INF2: variants seen among roughly 807,000 people sequenced by gnomAD.
The protein encoded by INF2 is inverted formin 2, also known as inverted formin-2.
Under a neutral mutation model 123.5 loss-of-function variants are expected in INF2, and 43 were observed. The observed-to-expected ratio is 0.35, with a 90% CI of 0.27 to 0.45. The LOEUF is 0.45. Ranked by LOEUF, INF2 falls within the 20% of genes least tolerant of loss-of-function variation. INF2 has a pLI of 1.00. For missense variants in INF2, 1,453 were observed against 1,682.7 expected, an observed-to-expected ratio of 0.86 and a Z score of 2.39; for synonymous variants, 851 against 745.0, an observed-to-expected ratio of 1.14 and a Z score of -2.32.
chr14:104,720,182 C>T lies in INF2; in HGVS notation c.*1389C>T. 6.4e-6 allele frequency: 1 copy of T among 155,568 alleles called. No homozygotes were observed. The highest frequency in any genetic ancestry group is 1.4e-5 in the Non-Finnish European group (1 of 70,266). The allele number at this position is 155,568 out of a possible 1,614,324, so 9.6% of individuals were successfully genotyped here. A position where few individuals can be genotyped will look rare whatever the true frequency, so the allele number is the denominator to read the frequency against. ...CTGTTTTCACGCGCCATCCTCACGG[C>T]AGGCTGTATCAGGACTTCATTCCAT... is the stretch of plus-strand genomic sequence containing the variant. On this transcript the variant is annotated 3_prime_UTR_variant, in exon 23 of 23. Transcript: ENST00000392634.
At chr14:104,681,277 GC>G in exon 1 of INF2, 1 of 371,608 alleles carries the variant, frequency 2.7e-6, no homozygotes, top group Non-Finnish European at 5.4e-6. Flanking sequence ...CCTCATCAAT[GC>G]CCCATGCTCA....
At chr14:104,703,252 G>A in intron 3 of INF2, 32 bp downstream of exon 3, 1 of 1,612,932 alleles carries the variant, frequency 6.2e-7, no homozygotes, top group Non-Finnish European at 8.5e-7. Flanking sequence ...TGGGCACATG[G>A]GGCTCCCTGC....
chr14:104,709,068 C>T (rs894222350), intron 10 of INF2, among the ~76,000 whole-genome samples: 2 of 152,204 alleles, frequency 1.3e-5, no homozygotes, highest in African/African-American at 4.8e-5. Flanking sequence ...CCTGCATCTC[C>T]TGAGCAGGGC....
Position 104,710,919 on chromosome 14 carries a change from C to G in INF2, c.2240-18C>G, listed in dbSNP as rs923677130. On this transcript the variant is annotated intron_variant, in intron 13 of 22. Transcript: ENST00000392634. ...CTCCGAACCAAGAGCCCCTCTCCAG[C>G]CCTGGCTGCCCCTGCAGGCCTGCTC... 1 of 1,610,822 alleles carries G rather than the reference C, an allele frequency of 6.2e-7. No individual in the cohort carries two copies. Among genetic ancestry groups the G allele is most frequent in the African/African-American group, 1.3e-5 (1 of 74,862 alleles).
intron 12 of INF2, 125 bp from the exon 13 acceptor site, chr14:104,709,963 T>G (rs1004060936): frequency 2.3e-6 from 2 of 873,092 alleles, no homozygotes; most frequent in Admixed American, 4.0e-5. Context: ...GCCTGTTGGA[T>G]GGGGCAGGCG....
Position 104,720,533 on chromosome 14 carries a change from A to C in INF2, c.*1740A>C, listed in dbSNP as rs12888736. On this transcript the variant is annotated 3_prime_UTR_variant, in exon 23 of 23. Coordinates refer to ENST00000392634, the MANE Select transcript of INF2 (RefSeq NM_022489.4). ...GTAGTCTCGTGTGGATGCTGCTGTG[A>C]ACGTCTGCGTAGTCTCGTGTGGATG... 4.7e-5 allele frequency: 2 copies of C among 42,144 alleles called. No homozygotes were observed. Among genetic ancestry groups the C allele is most frequent in the East Asian group, 7.6e-3 (2 of 264 alleles). 2.6% of individuals were successfully genotyped at this position (42,144 alleles called of 1,614,324 possible). A position where few individuals can be genotyped will look rare whatever the true frequency, so the allele number is the denominator to read the frequency against.
chr14:104,693,922 G>A (rs527494212), intron 1 of INF2, among the ~76,000 whole-genome samples: 185 of 152,312 alleles, frequency 1.2e-3, no homozygotes, highest in African/African-American at 4.3e-3. Flanking sequence ...GCTGGGAGGA[G>A]GACACAGGGT....
At chr14:104,713,676 C>A in intron 20 of INF2, 70 bp downstream of exon 20, 3 of 1,525,104 alleles carry the variant, frequency 2.0e-6, no homozygotes, top group Non-Finnish European at 2.7e-6. Context: ...TCCAGGAAGT[C>A]CTCCTGACTT....
chr14:104,710,710 C>G (rs1275517631), intron 13 of INF2: 1 of 586,126 alleles, frequency 1.7e-6, no homozygotes, highest in Non-Finnish European at 3.0e-6. Flanking sequence ...CAGGTACGGA[C>G]CAGTGAGGCA....
intron 1 of INF2, among the ~76,000 whole-genome samples, chr14:104,683,830 C>T (rs1181762945): frequency 6.6e-6 from 1 of 152,212 alleles, no homozygotes; most frequent in African/African-American, 2.4e-5. Flanking sequence ...CCCCTCTCCC[C>T]TTCTCTGCCG....
chr14:104,683,928 T>A, intron 1 of INF2: 1 of 405,712 alleles, frequency 2.5e-6, no homozygotes. Flanking sequence ...AGACTATGGG[T>A]TGGGGTGCGG....
upstream of INF2, among the ~76,000 whole-genome samples, chr14:104,687,090 G>A (rs1029306957): frequency 2.0e-5 from 3 of 152,184 alleles, no homozygotes; most frequent in Non-Finnish European, 2.9e-5. This position sits in a 1 kb window ranked among gnomAD's most constrained non-coding sequence, Gnocchi z 5.6. Flanking sequence ...ACCCGGCTCC[G>A]AGGAAGGACC....
Position 104,709,297 on chromosome 14 carries a change from G to T in INF2, c.1966G>T (p.Ala656Ser), listed in dbSNP as rs189559257. 3.1e-6 allele frequency: 5 copies of T among 1,612,802 alleles called. No homozygotes were observed. The East Asian group carries it at 1.1e-4, about 36-fold the overall frequency. Residue 656 changes from alanine (A) to serine (S), a missense_variant, in exon 11 of 23, where the codon GCT becomes TCT. Around this residue, in one of 8 missense-constraint regions of INF2, gnomAD observed 192 missense variants for 274.4 expected, o/e 0.70. Coordinates refer to ENST00000392634, the MANE Select transcript of INF2 (RefSeq NM_022489.4). ...CTGCTCCAGCTCCAACGAGGAGGTC[G>T]CTGCTATGATCCGGGCTGGAGATAC... is the stretch of plus-strand genomic sequence containing the variant. ...KQFKCSNEEV[A>S]AMIRAGDTTK... is the part of the protein sequence containing the mutation.
chr14:104,697,399 C>T (rs1034159263), intron 1 of INF2, among the ~76,000 whole-genome samples: 2 of 152,222 alleles, frequency 1.3e-5, no homozygotes, highest in African/African-American at 4.8e-5. Flanking sequence ...CAGGAGCCCC[C>T]AGCTACTCTC....
intron 5 of INF2, among the ~76,000 whole-genome samples, chr14:104,705,703 C>T (rs1344602920): frequency 6.6e-6 from 1 of 152,224 alleles, no homozygotes; most frequent in African/African-American, 2.4e-5. Context: ...AAGGTCACGG[C>T]CCGGTTCCAT....
intron 22 of INF2, chr14:104,715,749 G>C: frequency 2.0e-6 from 1 of 503,472 alleles, no homozygotes; most frequent in Non-Finnish European, 3.9e-6. Flanking sequence ...TAACCCTGTG[G>C]CTTTCCTGCT....
upstream of INF2, chr14:104,689,214 G>A (rs972764697): frequency 2.0e-6 from 2 of 985,434 alleles, no homozygotes; most frequent in Non-Finnish European, 2.4e-6. Context: ...CCGGCTGGCT[G>A]GAACGGGAGT....
Position 104,695,587 on chromosome 14 carries a change from T to C in INF2, c.-9-5770T>C, listed in dbSNP as rs535911961. Among the ~76,000 whole-genome samples the C allele has an allele frequency of 2.1e-4, 32 of 152,094 alleles. 1 individual carries two copies. In the South Asian group the frequency reaches 6.2e-3, roughly 30 times the overall value. ...CCTGGGCTGCGCTTGCCGACTCTCCTCCCAGTGACCCCTCCTCCCAGTGAG... is the reference window on the plus strand; with the variant it reads ...CCTGGGCTGCGCTTGCCGACTCTCCCCCCAGTGACCCCTCCTCCCAGTGAG... On this transcript the variant is annotated intron_variant, in intron 1 of 22. Coordinates refer to ENST00000392634, the MANE Select transcript of INF2 (RefSeq NM_022489.4).
At chr14:104,711,776 C>G in intron 16 of INF2, 77 bp downstream of exon 16, 1 of 1,374,860 alleles carries the variant, frequency 7.3e-7, no homozygotes, top group Non-Finnish European at 1.0e-6. Flanking sequence ...GAGGTGGCTG[C>G]CCGCCAGGGC....
Sources: gnomAD v4.1 joint callset for allele counts (sites outside exome capture counted in the v4.1 genomes callset) on GRCh38, gnomAD v4.1.1 for gene constraint, gnomAD v4.1.1 regional missense constraint, Gnocchi (gnomAD v3.1) non-coding constraint, MANE v1.5 for transcripts, NCBI Gene and HGNC (gene_info 2026-07-23, HGNC 2026-07-21) for gene names.